The following RAB3GAP2 variants were observed in gnomAD, a reference collection of about 807,000 sequenced individuals.
RAB3GAP2 encodes the protein rab3 GTPase-activating protein non-catalytic subunit.
In RAB3GAP2, 87 loss-of-function variants were observed where a neutral mutation model predicts 185.3. That is an observed-to-expected ratio of 0.47 (90% CI 0.39 to 0.56). RAB3GAP2 has a LOEUF of 0.56. Among genes scored for constraint, RAB3GAP2 ranks in the 20% least tolerant of loss-of-function variants. The pLI, the probability that RAB3GAP2 is intolerant of heterozygous loss-of-function variation, is 0.00. For synonymous variants in RAB3GAP2, 554 were observed against 576.1 expected (o/e 0.96, Z 0.55); for missense variants, 1,492 against 1,638.2 (o/e 0.91, Z 1.54).
intron 7 of RAB3GAP2, among the ~76,000 whole-genome samples, chr1:220,210,008 T>C (rs1388924186): frequency 6.6e-6 from 1 of 152,144 alleles, no homozygotes; most frequent in Non-Finnish European, 1.5e-5. Context: ...GTATCACTAG[T>C]AACAAGGCCA....
At chr1:220,270,513 T>C (rs1660315852) in intron 1 of RAB3GAP2, among the ~76,000 whole-genome samples, 1 of 152,212 alleles carries the variant, frequency 6.6e-6, no homozygotes, top group Non-Finnish European at 1.5e-5. Flanking sequence ...TTATTACATA[T>C]AGTTGCCCAA....
intron 1 of RAB3GAP2, among the ~76,000 whole-genome samples, chr1:220,246,356 GT>G: frequency 6.7e-6 from 1 of 149,972 alleles, no homozygotes; most frequent in African/African-American, 2.5e-5. Context: ...GTGGAAGTCA[GT>G]GTGGCGATTC....
At chr1:220,220,755 T>C (rs1325759418) in intron 2 of RAB3GAP2, among the ~76,000 whole-genome samples, 1 of 152,154 alleles carries the variant, frequency 6.6e-6, no homozygotes, top group Non-Finnish European at 1.5e-5. Context: ...CAAGTTCCGA[T>C]GGTTTTAAAA....
intron 1 of RAB3GAP2, among the ~76,000 whole-genome samples, chr1:220,272,007 G>T (rs1382110746): frequency 6.6e-6 from 1 of 151,966 alleles, no homozygotes; most frequent in Admixed American, 6.6e-5. Context: ...GGGTCAGAGG[G>T]CCTAAGGAGA....
intron 2 of RAB3GAP2, among the ~76,000 whole-genome samples, 192 bp downstream of exon 2, chr1:220,232,607 G>A (rs1402360348): frequency 2.0e-5 from 3 of 152,162 alleles, no homozygotes; most frequent in Admixed American, 6.5e-5. Flanking sequence ...CCAAGTGAAC[G>A]AAGACACCCG....
intron 2 of RAB3GAP2, among the ~76,000 whole-genome samples, chr1:220,229,959 G>A (rs1659469926): frequency 6.6e-6 from 1 of 152,166 alleles, no homozygotes; most frequent in Admixed American, 6.5e-5. Context: ...CACATGTAAG[G>A]TAAGTGCCAT....
Position 220,205,919 on chromosome 1 carries a change from G to A in RAB3GAP2, c.700C>T (p.Gln234Ter). 2 of 1,602,466 alleles carry A rather than the reference G, an allele frequency of 1.2e-6. No individual in the cohort carries two copies. The highest frequency in any genetic ancestry group is 1.7e-6 in the Non-Finnish European group (2 of 1,169,930). ...LFQSLRACRN[Q>*]VAKAAASGNE... Reference sequence around the variant, plus strand: ...GCCAAAATATTACCTTTTGCTACCTGATTTCGACAAGCACGAAGAGATTGA... The same window carrying A: ...GCCAAAATATTACCTTTTGCTACCTAATTTCGACAAGCACGAAGAGATTGA... Residue 234 changes from glutamine (Q) to a stop codon, truncating the protein, a stop_gained, in exon 8 of 35, where the codon CAG becomes TAG. Coordinates refer to ENST00000358951, the MANE Select transcript of RAB3GAP2 (RefSeq NM_012414.4). LOFTEE classifies it high-confidence loss of function.
chr1:220,155,851 C>T (rs1657846733), intron 31 of RAB3GAP2, among the ~76,000 whole-genome samples: 1 of 152,096 alleles, frequency 6.6e-6, no homozygotes, highest in African/African-American at 2.4e-5. Context: ...GATGGGAATA[C>T]TGAGCTAGGC....
chr1:220,151,200 C>G lies in RAB3GAP2; in HGVS notation c.*51G>C. The stretch of plus-strand genomic sequence containing the variant: ...GGTCTTACTATGTAAAATAACCATG[C>G]ACTACTTCATGTTATAATCATAATT... On this transcript the variant is annotated 3_prime_UTR_variant, in exon 35 of 35. Coordinates refer to ENST00000358951, the MANE Select transcript of RAB3GAP2 (RefSeq NM_012414.4). 1 of 1,550,786 alleles carries G rather than the reference C, an allele frequency of 6.4e-7. No individual in the cohort carries two copies. The highest frequency in any genetic ancestry group is 1.1e-5 in the South Asian group (1 of 89,070).
Position 220,193,317 on chromosome 1 carries a change from A to T in RAB3GAP2, c.1193T>A (p.Leu398Gln), listed in dbSNP as rs1658661070. ...GCCGAAATCATCTGTTACTGCTGCC[A>T]GTGTGTTACATGGAGACAGACATAT... The part of the protein sequence containing the change: ...ESICLSPCNT[L>Q]AAVTDDFGRV... Residue 398 changes from leucine to glutamine, a missense_variant, in exon 13 of 35, where the codon CTG becomes CAG. This residue lies in a region of RAB3GAP2 where 681 missense variants were observed against 689.1 expected (regional missense o/e 0.99). Transcript: ENST00000358951. The T allele has an allele frequency of 1.2e-6, 2 of 1,613,914 alleles. No homozygotes were observed. The highest frequency in any genetic ancestry group is 2.2e-5 in the South Asian group (2 of 91,084).
At chr1:220,160,228 T>C (rs1394698203) in intron 28 of RAB3GAP2, among the ~76,000 whole-genome samples, 1 of 152,156 alleles carries the variant, frequency 6.6e-6, no homozygotes, top group Non-Finnish European at 1.5e-5. Context: ...TGTATATGTC[T>C]ACAGTGTAAT....
chr1:220,250,286 C>T (rs1253519360), intron 1 of RAB3GAP2, among the ~76,000 whole-genome samples: 1 of 152,206 alleles, frequency 6.6e-6, no homozygotes, highest in East Asian at 1.9e-4. Context: ...CATTTTGGAA[C>T]TTTAAGGTTT....
rs1657662707 is a variant in RAB3GAP2, at chr1:220,148,402, A to C, written c.*2849T>G. On this transcript the variant is annotated 3_prime_UTR_variant, in exon 35 of 35. Coordinates refer to ENST00000358951, the MANE Select transcript of RAB3GAP2 (RefSeq NM_012414.4). Reference sequence around the variant, plus strand: ...CACTACTTACAGTACATTACAATAGAGAAAGCATTTTATAAACAGTTCAGT... The same window carrying C: ...CACTACTTACAGTACATTACAATAGCGAAAGCATTTTATAAACAGTTCAGT... 6.6e-6 allele frequency: 1 copy of C among 152,252 alleles called. No homozygotes were observed. Among genetic ancestry groups the C allele is most frequent in the Non-Finnish European group, 1.5e-5 (1 of 68,036 alleles). 9.4% of individuals were successfully genotyped at this position (152,252 alleles called of 1,614,324 possible).
intron 2 of RAB3GAP2, among the ~76,000 whole-genome samples, chr1:220,214,344 G>A (rs1659143494): frequency 6.6e-6 from 1 of 152,120 alleles, no homozygotes; most frequent in Middle Eastern, 3.4e-3. Flanking sequence ...TGGCCCACAT[G>A]GTGAAATCCC....
intron 7 of RAB3GAP2, among the ~76,000 whole-genome samples, chr1:220,209,179 G>C (rs1029284569): frequency 3.3e-5 from 5 of 152,058 alleles, no homozygotes; most frequent in African/African-American, 7.2e-5. Context: ...ATATTCCTTT[G>C]ATTATTTCAC....
chr1:220,206,022 A>T lies in RAB3GAP2; in HGVS notation c.613-16T>A. ...ACTCTTCATTCTATTTAAGAAATAA[A>T]AAAAAAAAGTTCTTGAATAGATAAA... On this transcript the variant is annotated splice_polypyrimidine_tract_variant and intron_variant, in intron 7 of 34. Transcript: ENST00000358951. 1 of 1,494,438 alleles carries T rather than the reference A, an allele frequency of 6.7e-7. No homozygotes were observed. Among genetic ancestry groups the T allele is most frequent in the Non-Finnish European group, 9.2e-7 (1 of 1,088,806 alleles). The allele number at this position is 1,494,438 out of a possible 1,614,324, so 92.6% of individuals were successfully genotyped here. A position where few individuals can be genotyped will look rare whatever the true frequency, so the allele number is the denominator to read the frequency against.
Position 220,232,824 on chromosome 1 carries a change from C to A in RAB3GAP2, c.155G>T (p.Trp52Leu), listed in dbSNP as rs772715291. ...AGGTTCTTGTGGTTCATTTTCTTCC[C>A]ATGCTCCCCAACCATCATCTTCCCA... is the stretch of plus-strand genomic sequence containing the variant. The part of the protein sequence containing the change: ...TDWEDDGWGA[W>L]EENEPQEPEE... The change falls in exon 2 of 35, where the codon TGG becomes TTG. Residue 52 changes from tryptophan to leucine, a missense_variant. Around this residue, in one of 5 missense-constraint regions of RAB3GAP2, gnomAD observed 177 missense variants for 160.6 expected, o/e 1.10. Transcript: ENST00000358951. 42 of 1,613,758 alleles carry A rather than the reference C, an allele frequency of 2.6e-5. No homozygotes were observed. Among genetic ancestry groups the A allele is most frequent in the Non-Finnish European group, 3.4e-5 (40 of 1,179,864 alleles).
Position 220,191,193 on chromosome 1 carries a change from A to G in RAB3GAP2, c.1362T>C (p.Asn454=). 1 of 1,614,014 alleles carries G rather than the reference A, an allele frequency of 6.2e-7. No homozygotes were observed. The highest frequency in any genetic ancestry group is 8.5e-7 in the Non-Finnish European group (1 of 1,179,976). ...PEKADFSPFG[N]SQGPSRVAQF... is the part of the protein sequence containing the mutation. ...GAGCTACTCGACTTGGACCCTGAGA[A>G]TTTCCAAAGGGGGAAAAATCTGCCT... Residue 454 remains asparagine (N), a synonymous_variant, in exon 14 of 35, where the codon AAT becomes AAC. Coordinates refer to ENST00000358951, the MANE Select transcript of RAB3GAP2 (RefSeq NM_012414.4).
chr1:220,214,273 C>T (rs1043080977), intron 2 of RAB3GAP2, among the ~76,000 whole-genome samples: 1 of 152,194 alleles, frequency 6.6e-6, no homozygotes, highest in Admixed American at 6.5e-5. Flanking sequence ...TGGTGGCTCA[C>T]ACCTGTAATC....
Sources: allele counts gnomAD v4.1 joint callset (sites outside exome capture counted in the v4.1 genomes callset), GRCh38; gene constraint gnomAD v4.1.1; regional missense constraint gnomAD v4.1.1; transcripts MANE v1.5; gene names NCBI Gene and HGNC (gene_info 2026-07-23, HGNC 2026-07-21).